DLG1: variants seen among roughly 807,000 people sequenced by gnomAD.
The protein encoded by DLG1 is disks large homolog 1.
In DLG1, 42 loss-of-function variants were observed where a neutral mutation model predicts 123.4. That is an observed-to-expected ratio of 0.34 (90% CI 0.27 to 0.44). The LOEUF (loss-of-function observed/expected upper bound fraction) is 0.44. Ranked by LOEUF, DLG1 falls within the 20% of genes least tolerant of loss-of-function variation. The pLI is 1.00. For synonymous variants in DLG1, 317 were observed against 356.2 expected (o/e 0.89, Z 1.24); for missense variants, 942 against 1,082.6 (o/e 0.87, Z 1.82).
At chr3:197,148,049 T>C (rs1358801146) in intron 6 of DLG1, among the ~76,000 whole-genome samples, 1 of 151,308 alleles carries the variant, frequency 6.6e-6, no homozygotes, top group Admixed American at 6.6e-5. Context: ...TCCCATATGC[T>C]AGCAATAAAA....
At chr3:197,261,504 T>C (rs1410894453) in intron 4 of DLG1, among the ~76,000 whole-genome samples, 6 of 152,210 alleles carry the variant, frequency 3.9e-5, no homozygotes, top group African/African-American at 1.4e-4. Flanking sequence ...AGGAAGAGTA[T>C]TATCTGCAAT....
chr3:197,161,147 A>G (rs1798606960), intron 5 of DLG1, among the ~76,000 whole-genome samples: 1 of 152,118 alleles, frequency 6.6e-6, no homozygotes, highest in Admixed American at 6.6e-5. Flanking sequence ...ATTCCCATAT[A>G]CTCCCAGATA....
At chr3:197,294,979 C>T (rs1255888073) in intron 3 of DLG1, among the ~76,000 whole-genome samples, 2 of 152,116 alleles carry the variant, frequency 1.3e-5, no homozygotes, top group Non-Finnish European at 2.9e-5. Flanking sequence ...CACCAAATTA[C>T]TAGGCTCAAT....
At chr3:197,216,021 C>T (rs1359081045) in intron 4 of DLG1, among the ~76,000 whole-genome samples, 1 of 152,078 alleles carries the variant, frequency 6.6e-6, no homozygotes, top group Admixed American at 6.6e-5. Flanking sequence ...TTTTGTATAC[C>T]ACTAGGGTTC....
intron 5 of DLG1, among the ~76,000 whole-genome samples, chr3:197,172,722 CAGA>C (rs1294089974): frequency 6.6e-6 from 1 of 152,150 alleles, no homozygotes; most frequent in Non-Finnish European, 1.5e-5. Flanking sequence ...CACCACCAAT[CAGA>C]AGGTGTTCAA....
In DLG1 at chr3:197,058,162, T is replaced by C. The variant is rs527583892; in HGVS notation, c.2483+1727A>G. 2.0e-4 allele frequency among the ~76,000 whole-genome samples: 31 copies of C among 152,052 alleles called. No individual in the cohort carries two copies. In the South Asian group the frequency reaches 6.4e-3, roughly 32 times the overall value. Reference sequence around the variant, plus strand: ...CCTGGCTATTTCTTTGTATTTTTAGTAGAGACAGAGTCTCACCATGTTGCC... The same window carrying C: ...CCTGGCTATTTCTTTGTATTTTTAGCAGAGACAGAGTCTCACCATGTTGCC... On this transcript the variant is annotated intron_variant, in intron 23 of 24. Coordinates refer to ENST00000667157, the MANE Select transcript of DLG1 (RefSeq NM_001366207.1).
chr3:197,231,812 A>G (rs1743285014), intron 4 of DLG1, among the ~76,000 whole-genome samples: 1 of 152,250 alleles, frequency 6.6e-6, no homozygotes, highest in African/African-American at 2.4e-5. Flanking sequence ...GTCAAATCAA[A>G]TGCAGTAACA....
intron 4 of DLG1, among the ~76,000 whole-genome samples, chr3:197,249,523 C>CT (rs1245161049): frequency 6.6e-6 from 1 of 151,920 alleles, no homozygotes; most frequent in Non-Finnish European, 1.5e-5. Flanking sequence ...TCTACTCAAA[C>CT]TCTTTAAAAA....
Position 197,051,559 on chromosome 3 carries a change from T to C in DLG1, c.2575+18A>G. The C allele has an allele frequency of 1.9e-6, 3 of 1,604,930 alleles. No homozygotes were observed. Among genetic ancestry groups the C allele is most frequent in the South Asian group, 1.1e-5 (1 of 90,590 alleles). On this transcript the variant is annotated intron_variant, in intron 24 of 24. Transcript: ENST00000667157. ...CAAAATTCTATCTTAAAGAGGACTG[T>C]TACAACACGGTTCCAACCTGTGAAA...
rs200281088 is a variant in DLG1, at chr3:197,196,878, C to T, written c.319-2289G>A. Among the ~76,000 whole-genome samples the T allele has an allele frequency of 1.8e-3, 267 of 152,076 alleles. 2 individuals carry two copies. The highest frequency in any genetic ancestry group is 4.4e-3 in the Admixed American group (67 of 15,288). Reference sequence around the variant, plus strand: ...ATATATTTAAAATTTTATATAAATGCACTGTTTAAACATTTTTAAGCAACA... The same window carrying T: ...ATATATTTAAAATTTTATATAAATGTACTGTTTAAACATTTTTAAGCAACA... On this transcript the variant is annotated intron_variant, in intron 4 of 24. Coordinates refer to ENST00000667157, the MANE Select transcript of DLG1 (RefSeq NM_001366207.1).
chr3:197,197,093 A>G (rs1409527735), intron 4 of DLG1, among the ~76,000 whole-genome samples: 2 of 152,194 alleles, frequency 1.3e-5, no homozygotes, highest in African/African-American at 4.8e-5. Context: ...TTTATTCCCT[A>G]TAATTATGGA....
At chr3:197,119,653 A>C in intron 11 of DLG1, 123 bp from the exon 12 acceptor site, 2 of 1,019,688 alleles carry the variant, frequency 2.0e-6, no homozygotes, top group Admixed American at 6.9e-5. Context: ...GGTAGAGAAG[A>C]TTTACTCATC....
chr3:197,069,251 G>C lies in DLG1; in HGVS notation c.2015C>G (p.Thr672Ser). Residue 672 changes from threonine (T) to serine (S), a missense_variant, in exon 19 of 25, where the codon ACT becomes AGT. Coordinates refer to ENST00000667157, the MANE Select transcript of DLG1 (RefSeq NM_001366207.1). ...ACTTTCACTATCGCTGGCATTAGAA[G>C]TTACATGCTCTGAAATTGCAGGACA... Reference protein sequence around the residue: ...QETSDADQHVTSNASDSESSY... With the variant: ...QETSDADQHVSSNASDSESSY... 1 of 1,587,042 alleles carries C rather than the reference G, an allele frequency of 6.3e-7. No individual in the cohort carries two copies. Among genetic ancestry groups the C allele is most frequent in the Non-Finnish European group, 8.6e-7 (1 of 1,166,172 alleles).
intron 4 of DLG1, among the ~76,000 whole-genome samples, chr3:197,202,269 T>C (rs1292016066): frequency 6.6e-6 from 1 of 152,236 alleles, no homozygotes; most frequent in Non-Finnish European, 1.5e-5. Flanking sequence ...CACTGATTGC[T>C]GCATTCCTGA....
At chr3:197,215,704 C>G (rs941110765) in intron 4 of DLG1, among the ~76,000 whole-genome samples, 1 of 152,006 alleles carries the variant, frequency 6.6e-6, no homozygotes, top group Admixed American at 6.6e-5. Flanking sequence ...TCAACATTAC[C>G]CAGTGGTTCA....
intron 4 of DLG1, among the ~76,000 whole-genome samples, chr3:197,242,339 T>C (rs981312233): frequency 2.6e-5 from 4 of 152,144 alleles, no homozygotes; most frequent in African/African-American, 7.2e-5. Context: ...ACAATAATAG[T>C]AGGAGACTTT....
chr3:197,179,178 T>C (rs1808739467), intron 5 of DLG1, among the ~76,000 whole-genome samples: 1 of 152,170 alleles, frequency 6.6e-6, no homozygotes, highest in African/African-American at 2.4e-5. Context: ...GCAATCCGGA[T>C]GGTCTGGACT....
rs549731116 is a variant in DLG1, at chr3:197,137,023, T to C, written c.884-345A>G. Among the ~76,000 whole-genome samples, 312 of 152,338 alleles carry C rather than the reference T, an allele frequency of 2.0e-3. 1 individual carries two copies. The highest frequency in any genetic ancestry group is 7.1e-3 in the African/African-American group (294 of 41,576). On this transcript the variant is annotated intron_variant, in intron 9 of 24. Coordinates refer to ENST00000667157, the MANE Select transcript of DLG1 (RefSeq NM_001366207.1). ...TTTTAATATTTTCACAAGAACAAAA[T>C]TATTGAGAAGAAATAACAACATTGT...
At chr3:197,175,760 C>T (rs188317808) in intron 5 of DLG1, among the ~76,000 whole-genome samples, 36 of 152,268 alleles carry the variant, frequency 2.4e-4, no homozygotes, top group Admixed American at 5.9e-4. Context: ...TAGTGGCTGA[C>T]ATTAAACAAA....
Sources: gnomAD v4.1 joint callset for allele counts (sites outside exome capture counted in the v4.1 genomes callset) on GRCh38, gnomAD v4.1.1 for gene constraint, MANE v1.5 for transcripts, NCBI Gene and HGNC (gene_info 2026-07-23, HGNC 2026-07-21) for gene names.